The following MYO9B variants were observed in gnomAD, a reference collection of about 807,000 sequenced individuals.
MYO9B encodes the protein myosin IXB.
Under a neutral mutation model 229.5 loss-of-function variants are expected in MYO9B, and 71 were observed. The ratio of observed to expected loss-of-function variants is 0.31; its 90% CI spans 0.26 to 0.38. The LOEUF is 0.38. Ranked by LOEUF, MYO9B falls within the 10% of genes least tolerant of loss-of-function variation. The pLI is 1.00. For missense variants in MYO9B, 2,255 were observed against 2,920.5 expected (o/e 0.77, Z 5.25); for synonymous variants, 1,185 against 1,235.8 (o/e 0.96, Z 0.86).
chr19:17,183,719 C>G, intron 15 of MYO9B, 110 bp from the exon 16 acceptor site: 1 of 884,078 alleles, frequency 1.1e-6, no homozygotes. Flanking sequence ...CACTCTCTCC[C>G]CTCTCTCTGT....
chr19:17,163,966 G>A (rs996450554), intron 10 of MYO9B, among the ~76,000 whole-genome samples: 12 of 152,168 alleles, frequency 7.9e-5, no homozygotes, highest in African/African-American at 1.4e-4. Flanking sequence ...TCTTCAAGAC[G>A]CTGCTTTCAA....
intron 9 of MYO9B, 58 bp downstream of exon 9, chr19:17,162,524 C>T: frequency 1.4e-6 from 2 of 1,423,198 alleles, no homozygotes; most frequent in Non-Finnish European, 1.9e-6. Context: ...TCCTCACTAC[C>T]AATATCCTTG....
At chr19:17,109,233 T>A (rs993972101) in intron 2 of MYO9B, among the ~76,000 whole-genome samples, 1 of 151,604 alleles carries the variant, frequency 6.6e-6, no homozygotes, top group Admixed American at 6.6e-5. Context: ...ACCCAGCTAA[T>A]TTTTTGTATT....
intron 18 of MYO9B, among the ~76,000 whole-genome samples, chr19:17,187,498 T>G: frequency 6.6e-6 from 1 of 151,454 alleles, no homozygotes; most frequent in East Asian, 1.9e-4. Context: ...CTTACCCCAG[T>G]GCCTGCCACA....
chr19:17,192,563 C>A (rs1385317829), intron 20 of MYO9B, among the ~76,000 whole-genome samples, 183 bp from the exon 21 acceptor site: 1 of 151,964 alleles, frequency 6.6e-6, no homozygotes, highest in African/African-American at 2.4e-5. Flanking sequence ...CCACTGCACT[C>A]CAGCCTGGGC....
intron 2 of MYO9B, among the ~76,000 whole-genome samples, chr19:17,119,979 C>T (rs1437558841): frequency 2.6e-5 from 4 of 152,154 alleles, no homozygotes; most frequent in Non-Finnish European, 2.9e-5. Flanking sequence ...TCCTGGACAA[C>T]GTGGCAAAAC....
At chr19:17,157,153 G>T in intron 7 of MYO9B, 115 bp downstream of exon 7, 1 of 1,282,856 alleles carries the variant, frequency 7.8e-7, no homozygotes, top group Non-Finnish European at 1.1e-6. Context: ...CATCAACCAG[G>T]ACCTCACGTC....
chr19:17,085,923 C>T (rs970535400), intron 1 of MYO9B, among the ~76,000 whole-genome samples: 3 of 152,154 alleles, frequency 2.0e-5, no homozygotes, highest in African/African-American at 4.8e-5. Context: ...TCCCTATCTT[C>T]GTTACAAGCC....
At chr19:17,140,649 C>T (rs748249495) in intron 2 of MYO9B, among the ~76,000 whole-genome samples, 3 of 151,820 alleles carry the variant, frequency 2.0e-5, no homozygotes, top group Admixed American at 2.0e-4. Context: ...CCACCATGCC[C>T]GGCTAATTTT....
intron 11 of MYO9B, 139 bp downstream of exon 11, chr19:17,168,203 C>T: frequency 1.6e-6 from 2 of 1,236,550 alleles, no homozygotes; most frequent in Non-Finnish European, 2.2e-6. Flanking sequence ...CTCACTCTGT[C>T]ACCCAGGCTG....
At chr19:17,102,996 C>T (rs533009207) in intron 2 of MYO9B, among the ~76,000 whole-genome samples, 5 of 141,526 alleles carry the variant, frequency 3.5e-5, no homozygotes, top group African/African-American at 1.3e-4. Flanking sequence ...GCAAGAGGAT[C>T]GCTTGAGCCC....
intron 1 of MYO9B, among the ~76,000 whole-genome samples, chr19:17,094,729 C>T (rs917485817): frequency 6.6e-6 from 1 of 151,250 alleles, no homozygotes; most frequent in African/African-American, 2.4e-5. Flanking sequence ...AATGCTTGAG[C>T]CCAGGAGTTT....
intron 8 of MYO9B, among the ~76,000 whole-genome samples, chr19:17,160,510 C>CTTTTT (rs34857957): frequency 4.7e-5 from 6 of 128,170 alleles, no homozygotes; most frequent in African/African-American, 1.5e-4. Context: ...TCTTTTTTTT[C>CTTTTT]TTTTTTTTTT....
In MYO9B at chr19:17,212,027, T is replaced by C. The variant is rs749370847; in HGVS notation, c.6191T>C (p.Ile2064Thr). ...VRVKTPRRTPIMPTANIKLPP... is the reference protein window; with the variant it reads ...VRVKTPRRTPTMPTANIKLPP... ...GTGAAGACCCCCCGGCGGACCCCCA[T>C]CATGCCCACGGCCAACATCAAGCTC... is the stretch of plus-strand genomic sequence containing the variant. Residue 2064 changes from isoleucine to threonine, a missense_variant, in exon 40 of 40, where the codon ATC becomes ACC. Coordinates refer to ENST00000682292, the MANE Select transcript of MYO9B (RefSeq NM_004145.4). The surrounding 1 kb of genome is among the most constrained non-coding windows in gnomAD (Gnocchi z 5.4). The C allele has an allele frequency of 6.8e-7, 1 of 1,473,130 alleles. No individual in the cohort carries two copies. Among genetic ancestry groups the C allele is most frequent in the Non-Finnish European group, 9.1e-7 (1 of 1,095,658 alleles). The allele number at this position is 1,473,130 out of a possible 1,614,324, so 91.3% of individuals were successfully genotyped here. A position where few individuals can be genotyped will look rare whatever the true frequency, so the allele number is the denominator to read the frequency against.
chr19:17,079,231 G>A (rs1355816823), intron 1 of MYO9B, among the ~76,000 whole-genome samples: 1 of 152,182 alleles, frequency 6.6e-6, no homozygotes. Flanking sequence ...TGGAGCCCCT[G>A]AGGAACTGCC....
intron 11 of MYO9B, among the ~76,000 whole-genome samples, chr19:17,168,425 G>A (rs540429225): frequency 2.0e-4 from 31 of 152,208 alleles, no homozygotes; most frequent in African/African-American, 6.3e-4. Flanking sequence ...CTTGGCCTCC[G>A]AGAGTACTGG....
chr19:17,081,801 A>G (rs1347018928), intron 1 of MYO9B, among the ~76,000 whole-genome samples: 1 of 130,270 alleles, frequency 7.7e-6, no homozygotes, highest in Non-Finnish European at 1.6e-5. Flanking sequence ...AGAGAGTAAG[A>G]TCCCATCTCA....
chr19:17,184,563 C>G (rs929113938), intron 16 of MYO9B: 18 of 322,742 alleles, frequency 5.6e-5, no homozygotes, highest in Admixed American at 1.7e-4. Flanking sequence ...AGAGGGACGG[C>G]CAGGTTCAGT....
chr19:17,120,150 A>G (rs551968502), intron 2 of MYO9B, among the ~76,000 whole-genome samples: 10 of 152,222 alleles, frequency 6.6e-5, no homozygotes, highest in Non-Finnish European at 8.8e-5. Context: ...CTTGTGCCCA[A>G]CTGTCAGGAG....
Sources: allele counts gnomAD v4.1 joint callset (sites outside exome capture counted in the v4.1 genomes callset), GRCh38; gene constraint gnomAD v4.1.1; non-coding constraint Gnocchi (gnomAD v3.1); transcripts MANE v1.5; gene names NCBI Gene and HGNC (gene_info 2026-07-23, HGNC 2026-07-21).